The following CNOT1 variants were observed in gnomAD, a reference collection of about 807,000 sequenced individuals.
The protein encoded by CNOT1 is CCR4-associated factor 1.
CNOT1 carries 15 observed loss-of-function variants against 273.8 expected under a neutral mutation model. The observed-to-expected ratio is 0.05, with a 90% confidence interval of 0.04 to 0.08. The LOEUF (loss-of-function observed/expected upper bound fraction) is 0.08, where lower values mean the gene tolerates loss of function less well. Ranked by LOEUF, CNOT1 falls within the 10% of genes least tolerant of loss-of-function variation. The probability of loss-of-function intolerance (pLI) is 1.00; values close to 1 mark genes in which losing one functional copy is unlikely to be tolerated. For missense variants in CNOT1, 1,644 were observed against 2,912.2 expected, an observed-to-expected ratio of 0.56 and a Z score of 10.02; for synonymous variants, 1,022 against 1,005.5, an observed-to-expected ratio of 1.02 and a Z score of -0.31.
At chr16:58,596,878 A>C (rs1385610843) in intron 2 of CNOT1, among the ~76,000 whole-genome samples, 9 of 116,482 alleles carry the variant, frequency 7.7e-5, no homozygotes, top group Non-Finnish European at 1.5e-4. Flanking sequence ...ACAAAGTGAG[A>C]CTCCGTCTCA....
rs1212260936 is a variant in CNOT1, at chr16:58,614,107, GA to G, written c.-174-14597del. ...ACACTGTCTCAAAAAAAAAAAAAAA[GA>G]AAAGAAAATTACTCTCAAAACCAAA... On this transcript the variant is annotated intron_variant, in intron 1 of 48. Transcript: ENST00000317147. Among the ~76,000 whole-genome samples, 3 of 105,094 alleles carry G rather than the reference GA, an allele frequency of 2.9e-5. 1 individual carries two copies. Among genetic ancestry groups the G allele is most frequent in the African/African-American group, 9.9e-5 (3 of 30,248 alleles). The allele number at this position is 105,094 out of a possible 152,430, so 68.9% of individuals were successfully genotyped here. A position where few individuals can be genotyped will look rare whatever the true frequency, so the allele number is the denominator to read the frequency against.
chr16:58,622,825 C>T (rs991518381), intron 1 of CNOT1, among the ~76,000 whole-genome samples: 1 of 147,626 alleles, frequency 6.8e-6, no homozygotes, highest in Non-Finnish European at 1.5e-5. Flanking sequence ...CTAACCCAGG[C>T]GCCAAGAGTG....
intron 34 of CNOT1, 190 bp from the exon 35 acceptor site, chr16:58,540,149 C>T: frequency 3.9e-6 from 2 of 514,528 alleles, no homozygotes; most frequent in South Asian, 3.6e-5. Context: ...TGGCACAGTA[C>T]AAGGCAGGCA....
intron 44 of CNOT1, among the ~76,000 whole-genome samples, chr16:58,526,817 CAAAAAA>C (rs58419483): frequency 6.8e-5 from 6 of 88,146 alleles, no homozygotes; most frequent in East Asian, 3.0e-4. Context: ...AACTCCGTCT[CAAAAAA>C]AAAAAAAAAA....
chr16:58,584,818 T>C (rs921040180), intron 8 of CNOT1, among the ~76,000 whole-genome samples: 13 of 152,184 alleles, frequency 8.5e-5, no homozygotes, highest in African/African-American at 3.1e-4. Context: ...AATAATTTGC[T>C]TTTAGAAAAA....
At chr16:58,600,272 A>AGGGATGTGGAGATGGC (rs11276191) in intron 1 of CNOT1, among the ~76,000 whole-genome samples, 2 of 151,840 alleles carry the variant, frequency 1.3e-5, no homozygotes, top group African/African-American at 4.8e-5. Context: ...TGCTTGAACC[A>AGGGATGTGGAGATGGC]GGTGAGCCGA....
intron 16 of CNOT1, among the ~76,000 whole-genome samples, chr16:58,565,255 C>G (rs1265215747): frequency 6.6e-6 from 1 of 152,030 alleles, no homozygotes; most frequent in Non-Finnish European, 1.5e-5. Context: ...TGGGACTCCA[C>G]GCATACAGAC....
chr16:58,553,951 T>C, intron 21 of CNOT1, 91 bp from the exon 22 acceptor site: 1 of 1,420,748 alleles, frequency 7.0e-7, no homozygotes, highest in Non-Finnish European at 9.2e-7. Flanking sequence ...CTAGGTCATT[T>C]TTTTCCATCT....
intron 1 of CNOT1, among the ~76,000 whole-genome samples, chr16:58,603,438 TG>T (rs1567438394): frequency 2.9e-4 from 27 of 91,864 alleles, no homozygotes; most frequent in East Asian, 2.8e-3. Flanking sequence ...TGTGTGTGTG[TG>T]TGTGTGTGTG....
intron 1 of CNOT1, among the ~76,000 whole-genome samples, chr16:58,620,354 G>A (rs563599833): frequency 5.4e-4 from 82 of 152,126 alleles, no homozygotes; most frequent in African/African-American, 1.7e-3. Context: ...GTAAAAAGAC[G>A]AAGAGGCTGG....
intron 1 of CNOT1, among the ~76,000 whole-genome samples, chr16:58,606,154 G>C (rs2042669200): frequency 6.6e-6 from 1 of 152,084 alleles, no homozygotes; most frequent in African/African-American, 2.4e-5. Flanking sequence ...TGTAATCCTA[G>C]CACTTTGGGA....
intron 6 of CNOT1, 87 bp downstream of exon 6, chr16:58,587,114 T>C (rs1056937632): frequency 2.0e-6 from 3 of 1,503,376 alleles, no homozygotes; most frequent in Admixed American, 2.1e-5. Flanking sequence ...TATCTTACTC[T>C]CTAAGTCTAA....
At chr16:58,578,495 T>G (rs1390094684) in intron 13 of CNOT1, among the ~76,000 whole-genome samples, 1 of 151,830 alleles carries the variant, frequency 6.6e-6, no homozygotes, top group Non-Finnish European at 1.5e-5. Flanking sequence ...TATTAAATAT[T>G]ATTTTGCCTC....
At position 58,538,765 on chromosome 16, in the gene CNOT1, T is replaced by G; in HGVS notation, c.5135+7A>C. On this transcript the variant is annotated splice_region_variant and intron_variant, in intron 36 of 48. Coordinates refer to ENST00000317147, the MANE Select transcript of CNOT1 (RefSeq NM_016284.5). ...ATACTCACTACTTTTCGAAGATGGC[T>G]ACTGACCTTGTGATCTGTTTGTTGC... 6.2e-7 allele frequency: 1 copy of G among 1,611,962 alleles called. No homozygotes were observed. Among genetic ancestry groups the G allele is most frequent in the Non-Finnish European group, 8.5e-7 (1 of 1,179,914 alleles).
In CNOT1 at chr16:58,610,987, A is replaced by G. The variant is rs370036706; in HGVS notation, c.-174-11476T>C. The stretch of plus-strand genomic sequence containing the variant: ...AGGAGGTGGAGGTTGCAGTGAGCCG[A>G]GAGCACACCACTGCGCTCCAGCCTG... On this transcript the variant is annotated intron_variant, in intron 1 of 48. Transcript: ENST00000317147. 4.1e-4 allele frequency among the ~76,000 whole-genome samples: 62 copies of G among 152,184 alleles called. 1 individual carries two copies. In the South Asian group the frequency reaches 0.011, roughly 28 times the overall value.
chr16:58,609,973 T>C (rs1331267071), intron 1 of CNOT1, among the ~76,000 whole-genome samples: 1 of 152,090 alleles, frequency 6.6e-6, no homozygotes, highest in Non-Finnish European at 1.5e-5. Context: ...GCCCTAACTA[T>C]ACACCATGTA....
At chr16:58,578,644 C>A in intron 13 of CNOT1, 55 bp downstream of exon 13, 1 of 1,595,310 alleles carries the variant, frequency 6.3e-7, no homozygotes. Flanking sequence ...CTCAACACTC[C>A]AAAGAAGATC....
intron 1 of CNOT1, among the ~76,000 whole-genome samples, chr16:58,605,273 C>T (rs2042632967): frequency 6.6e-6 from 1 of 152,216 alleles, no homozygotes; most frequent in Non-Finnish European, 1.5e-5. Flanking sequence ...GAGGCTGAGG[C>T]GGGTGGATCA....
intron 47 of CNOT1, among the ~76,000 whole-genome samples, chr16:58,522,355 A>T (rs2039424772): frequency 6.6e-6 from 1 of 152,092 alleles, no homozygotes; most frequent in South Asian, 2.1e-4. Context: ...TTCACGTACC[A>T]ACTGTACATG....
Sources: allele counts gnomAD v4.1 joint callset (sites outside exome capture counted in the v4.1 genomes callset), GRCh38; gene constraint gnomAD v4.1.1; transcripts MANE v1.5; gene names NCBI Gene and HGNC (gene_info 2026-07-23, HGNC 2026-07-21).